Variants in CSMD1 observed in about 807,000 individuals in gnomAD.
The protein encoded by CSMD1 is CUB and sushi domain-containing protein 1.
CSMD1 carries 213 observed loss-of-function variants against 417.5 expected under a neutral mutation model. That is an observed-to-expected ratio of 0.51 (90% confidence interval 0.46 to 0.57). CSMD1 has a LOEUF of 0.57. CSMD1 is among the 20% of genes least tolerant of loss of function. CSMD1 has a pLI of 0.00. For synonymous variants in CSMD1, 2,862 were observed against 1,736.8 expected (o/e 1.65, Z -16.11); for missense variants, 6,923 against 4,529.7 (o/e 1.53, Z -15.17).
chr8:4,113,741 G>C (rs969159511), intron 3 of CSMD1, among the ~76,000 whole-genome samples: 1 of 152,122 alleles, frequency 6.6e-6, no homozygotes, highest in Non-Finnish European at 1.5e-5. Flanking sequence ...AGAAGAAAAT[G>C]AAACAGCCTT....
chr8:4,855,096 G>A (rs929023156), intron 1 of CSMD1, among the ~76,000 whole-genome samples: 1 of 151,962 alleles, frequency 6.6e-6, no homozygotes, highest in Non-Finnish European at 1.5e-5. Context: ...CCTCAAGTGG[G>A]TCCCTGACCC....
At position 4,563,923 on chromosome 8, in the gene CSMD1, G is replaced by T. The variant is rs527347078; in HGVS notation, c.302+73419C>A. Among the ~76,000 whole-genome samples, 4 of 152,276 alleles carry T rather than the reference G, an allele frequency of 2.6e-5. No homozygotes were observed. The South Asian group carries it at 8.3e-4, about 32-fold the overall frequency. ...TTTAAAATGTTTCTTCTGTAGCACA[G>T]TTCCACAGAATAAATTCCAGCAGAA... On this transcript the variant is annotated intron_variant, in intron 2 of 69. Coordinates refer to ENST00000635120, the MANE Select transcript of CSMD1 (RefSeq NM_033225.6).
At chr8:3,834,482 G>A (rs1379982946) in intron 5 of CSMD1, among the ~76,000 whole-genome samples, 1 of 152,186 alleles carries the variant, frequency 6.6e-6, no homozygotes, top group Non-Finnish European at 1.5e-5. Context: ...GTTGTTCCAG[G>A]TCAGTACCTC....
At chr8:3,663,890 G>A (rs1309160633) in intron 7 of CSMD1, among the ~76,000 whole-genome samples, 1 of 152,090 alleles carries the variant, frequency 6.6e-6, no homozygotes, top group Non-Finnish European at 1.5e-5. Flanking sequence ...CCTCAACCTT[G>A]GATAAATAAA....
intron 1 of CSMD1, among the ~76,000 whole-genome samples, chr8:4,644,271 G>A (rs1003755894): frequency 5.3e-5 from 8 of 152,172 alleles, no homozygotes; most frequent in Non-Finnish European, 1.0e-4. Flanking sequence ...CTTTGAACAT[G>A]TGGGTCCAGC....
At chr8:3,379,268 AC>A (rs1387038417) in intron 18 of CSMD1, among the ~76,000 whole-genome samples, 5 of 152,246 alleles carry the variant, frequency 3.3e-5, no homozygotes, top group East Asian at 1.9e-4. Context: ...AAATAAAAAA[AC>A]ATTCCATGCT....
At chr8:4,770,780 C>T (rs950999916) in intron 1 of CSMD1, among the ~76,000 whole-genome samples, 3 of 151,990 alleles carry the variant, frequency 2.0e-5, no homozygotes, top group African/African-American at 7.2e-5. Flanking sequence ...TGAAATTGGA[C>T]CCTTTATACC....
At chr8:3,638,416 T>C (rs9792338) in intron 7 of CSMD1, among the ~76,000 whole-genome samples, 20,839 of 151,764 alleles carry the variant, frequency 0.14, 2,867 homozygotes, top group African/African-American at 0.35. Context: ...AAGGTCCTAG[T>C]TTTGCCCACC....
At chr8:3,114,706 C>T (rs1300871679) in intron 42 of CSMD1, among the ~76,000 whole-genome samples, 5 of 151,928 alleles carry the variant, frequency 3.3e-5, no homozygotes, top group African/African-American at 1.2e-4. Flanking sequence ...GAGTTGCATT[C>T]TTTATAGTTA....
At chr8:3,266,083 A>C (rs1040297081) in intron 26 of CSMD1, among the ~76,000 whole-genome samples, 17 of 151,792 alleles carry the variant, frequency 1.1e-4, no homozygotes, top group African/African-American at 4.1e-4. Context: ...ATCCATGTCC[A>C]TGCCTGGGGG....
At chr8:3,411,683 T>TATAC (rs1563360837) in intron 12 of CSMD1, among the ~76,000 whole-genome samples, 1 of 64,258 alleles carries the variant, frequency 1.6e-5, no homozygotes, top group African/African-American at 6.3e-5. Flanking sequence ...TATATATACG[T>TATAC]GTATATATAC....
Position 4,116,454 on chromosome 8 carries a change from TGAATGGAA to T in CSMD1, c.416-84363_416-84356del, listed in dbSNP as rs1369679830. On this transcript the variant is annotated intron_variant, in intron 3 of 69. Coordinates refer to ENST00000635120, the MANE Select transcript of CSMD1 (RefSeq NM_033225.6). The stretch of plus-strand genomic sequence containing the variant: ...ATGGCGACGTATGAGTGCAGGTGCC[TGAATGGAA>T]CAAACGCGCCATGAATGAACCCTAA... 5.3e-4 allele frequency among the ~76,000 whole-genome samples: 70 copies of T among 131,010 alleles called. 1 individual carries two copies. The South Asian group carries it at 6.1e-3, about 11-fold the overall frequency. 85.9% of individuals were successfully genotyped at this position (131,010 alleles called of 152,430 possible).
At chr8:4,381,449 G>A (rs568551315) in intron 3 of CSMD1, among the ~76,000 whole-genome samples, 2 of 152,238 alleles carry the variant, frequency 1.3e-5, no homozygotes, top group African/African-American at 4.8e-5. Flanking sequence ...GGTGGGGGCT[G>A]GTGCCGACGT....
chr8:4,882,442 T>G (rs1803471076), intron 1 of CSMD1, among the ~76,000 whole-genome samples: 1 of 151,354 alleles, frequency 6.6e-6, no homozygotes, highest in Non-Finnish European at 1.5e-5. Flanking sequence ...CGGAGGGAAT[T>G]TGAAGAGTAT....
intron 26 of CSMD1, among the ~76,000 whole-genome samples, chr8:3,246,794 A>G (rs578054909): frequency 6.6e-6 from 1 of 152,178 alleles, no homozygotes; most frequent in East Asian, 1.9e-4. Context: ...TTAATCATCA[A>G]TATTTACATG....
intron 2 of CSMD1, among the ~76,000 whole-genome samples, chr8:4,612,182 T>C (rs1801212908): frequency 6.6e-6 from 1 of 151,918 alleles, no homozygotes; most frequent in African/African-American, 2.4e-5. Flanking sequence ...CGCTGAGTGC[T>C]AAAAAAAACT....
intron 9 of CSMD1, among the ~76,000 whole-genome samples, chr8:3,583,153 A>G (rs1800453407): frequency 6.6e-6 from 1 of 151,962 alleles, no homozygotes; most frequent in African/African-American, 2.4e-5. Flanking sequence ...GAATTCAGAT[A>G]TAGTGCCAGC....
intron 25 of CSMD1, among the ~76,000 whole-genome samples, chr8:3,286,588 C>A (rs1192253144): frequency 6.6e-6 from 1 of 152,010 alleles, no homozygotes; most frequent in Non-Finnish European, 1.5e-5. Flanking sequence ...TGATAATGAG[C>A]ATTTTTTCAT....
chr8:4,321,173 G>C (rs541585229), intron 3 of CSMD1, among the ~76,000 whole-genome samples: 11 of 152,230 alleles, frequency 7.2e-5, no homozygotes, highest in African/African-American at 2.4e-4. Flanking sequence ...ACCTCGCACA[G>C]TGATCAAAGT....
Sources: allele counts gnomAD v4.1 joint callset (sites outside exome capture counted in the v4.1 genomes callset), GRCh38; gene constraint gnomAD v4.1.1; transcripts MANE v1.5; gene names NCBI Gene and HGNC (gene_info 2026-07-23, HGNC 2026-07-21).